The following EXT2 variants were observed in gnomAD, a reference collection of about 807,000 sequenced individuals.
The protein encoded by EXT2 is exostosin glycosyltransferase 2, also known as exostosin-2.
In EXT2, 53 loss-of-function variants were observed where a neutral mutation model predicts 81.6. The observed-to-expected ratio is 0.65, with a 90% CI of 0.52 to 0.82. The LOEUF is 0.82. EXT2 is among the 40% of genes least tolerant of loss of function. The pLI, the probability that EXT2 is intolerant of heterozygous loss-of-function variation, is 0.00. For missense variants in EXT2, 774 were observed against 910.2 expected (o/e 0.85, Z 1.93); for synonymous variants, 320 against 340.0 (o/e 0.94, Z 0.65).
intron 10 of EXT2, among the ~76,000 whole-genome samples, chr11:44,217,792 C>T (rs1955737703): frequency 6.6e-6 from 1 of 152,188 alleles, no homozygotes; most frequent in Non-Finnish European, 1.5e-5. Context: ...CAGTTTAAAA[C>T]ATGTGGCAGA....
At chr11:44,096,075 C>CCTT in intron 1 of EXT2, 1 of 682,708 alleles carries the variant, frequency 1.5e-6, no homozygotes, top group East Asian at 2.7e-5. Context: ...TTCTCCTTCT[C>CCTT]CTCCGGCGGC....
At chr11:44,131,797 G>T (rs1329531342) in intron 7 of EXT2, among the ~76,000 whole-genome samples, 1 of 152,172 alleles carries the variant, frequency 6.6e-6, no homozygotes, top group African/African-American at 2.4e-5. Flanking sequence ...GAGTGCAGTG[G>T]CATGATCTTG....
intron 7 of EXT2, among the ~76,000 whole-genome samples, chr11:44,137,092 G>A (rs1209192076): frequency 7.2e-5 from 11 of 151,976 alleles, no homozygotes; most frequent in Admixed American, 7.2e-4. Flanking sequence ...ATAAAATAAG[G>A]TCTCATTTAA....
rs1349738623 is a variant in EXT2, at chr11:44,220,063, C to T, written c.1663-12290C>T. 6.6e-6 allele frequency among the ~76,000 whole-genome samples: 1 copy of T among 152,116 alleles called. No homozygotes were observed. Among genetic ancestry groups the T allele is most frequent in the Non-Finnish European group, 1.5e-5 (1 of 68,026 alleles). On this transcript the variant is annotated intron_variant, in intron 10 of 13. Transcript: ENST00000533608. This position sits in a 1 kb window ranked among gnomAD's most constrained non-coding sequence, Gnocchi z 4.4. ...CCTGTATCCAGAGTGCAGTGTGGAT[C>T]CAGTCTAGTAGTCAGCTTGCACGGC...
chr11:44,123,351 C>T (rs1412210359), intron 4 of EXT2, among the ~76,000 whole-genome samples: 4 of 152,182 alleles, frequency 2.6e-5, no homozygotes, highest in African/African-American at 9.7e-5. Context: ...TGCGTGGTGG[C>T]GTTGCCTGTG....
chr11:44,151,563 C>G (rs1028151229), intron 7 of EXT2, among the ~76,000 whole-genome samples: 1 of 152,076 alleles, frequency 6.6e-6, no homozygotes, highest in Non-Finnish European at 1.5e-5. Flanking sequence ...TAGCTCATTT[C>G]TTTTCAGTGC....
At chr11:44,096,797 C>G (rs1302393652) in intron 1 of EXT2, among the ~76,000 whole-genome samples, 1 of 152,206 alleles carries the variant, frequency 6.6e-6, no homozygotes. Context: ...AGGTTCTTGA[C>G]TTATTTATGT....
intron 10 of EXT2, among the ~76,000 whole-genome samples, chr11:44,207,500 G>T (rs1955598049): frequency 6.6e-6 from 1 of 152,172 alleles, no homozygotes; most frequent in Admixed American, 6.5e-5. Context: ...ACCAGTAAAG[G>T]TCTCCCCAGG....
intron 13 of EXT2, among the ~76,000 whole-genome samples, chr11:44,239,870 C>T (rs1956016524): frequency 6.6e-6 from 1 of 151,982 alleles, no homozygotes; most frequent in South Asian, 2.1e-4. Flanking sequence ...GGGGATTTGT[C>T]CCAGGACCTC....
intron 10 of EXT2, among the ~76,000 whole-genome samples, chr11:44,226,558 C>A (rs1955840232): frequency 6.6e-6 from 1 of 152,198 alleles, no homozygotes; most frequent in Non-Finnish European, 1.5e-5. Flanking sequence ...GGCAGTCAGT[C>A]CCTCCATTCC....
intron 13 of EXT2, among the ~76,000 whole-genome samples, chr11:44,243,761 G>A (rs1201681466): frequency 6.6e-6 from 1 of 151,642 alleles, no homozygotes; most frequent in African/African-American, 2.4e-5. Flanking sequence ...AGCTGGCAGA[G>A]ATGGGGTTAA....
At chr11:44,111,947 A>G (rs1954150338) in intron 3 of EXT2, among the ~76,000 whole-genome samples, 1 of 152,216 alleles carries the variant, frequency 6.6e-6, no homozygotes, top group African/African-American at 2.4e-5. Flanking sequence ...CTAAATATCT[A>G]GCCTTTGCTC....
At chr11:44,226,662 C>T (rs987774192) in intron 10 of EXT2, among the ~76,000 whole-genome samples, 1 of 152,242 alleles carries the variant, frequency 6.6e-6, no homozygotes, top group Admixed American at 6.5e-5. Flanking sequence ...TGGAAACCAG[C>T]TCGGAATTGG....
intron 4 of EXT2, among the ~76,000 whole-genome samples, chr11:44,118,589 T>C (rs552733547): frequency 3.3e-5 from 5 of 152,354 alleles, no homozygotes; most frequent in African/African-American, 1.2e-4. Flanking sequence ...GCAGTATTCA[T>C]CATTAAATAT....
chr11:44,229,435 G>T (rs767526303), intron 10 of EXT2, among the ~76,000 whole-genome samples: 1 of 152,214 alleles, frequency 6.6e-6, no homozygotes, highest in African/African-American at 2.4e-5. Flanking sequence ...ACAACACAGT[G>T]TTAATGAAGC....
At position 44,246,282 on chromosome 11, in the gene EXT2, G is replaced by T. The variant is rs944416600; in HGVS notation, c.*1995G>T. On this transcript the variant is annotated 3_prime_UTR_variant, in exon 14 of 14. Coordinates refer to ENST00000533608, the MANE Select transcript of EXT2 (RefSeq NM_207122.2). ...GCTGGCATTGTGTATGTGTCATATT[G>T]CCCTGGTTTCTTCAAATTTCTGCCC... 6.6e-5 allele frequency among the ~76,000 whole-genome samples: 10 copies of T among 152,170 alleles called. No homozygotes were observed. The highest frequency in any genetic ancestry group is 2.4e-4 in the African/African-American group (10 of 41,440).
chr11:44,233,738 T>C (rs908574005), intron 11 of EXT2, among the ~76,000 whole-genome samples: 2 of 152,212 alleles, frequency 1.3e-5, no homozygotes, highest in Non-Finnish European at 2.9e-5. Context: ...TTTTTTTATT[T>C]TGTAATAAGC....
At chr11:44,164,356 CTTTAT>C (rs1954964864) in intron 7 of EXT2, among the ~76,000 whole-genome samples, 1 of 152,060 alleles carries the variant, frequency 6.6e-6, no homozygotes, top group Non-Finnish European at 1.5e-5. Flanking sequence ...CTGTTGACAG[CTTTAT>C]TTTATGTCAG....
intron 9 of EXT2, among the ~76,000 whole-genome samples, chr11:44,204,249 A>G (rs1393829060): frequency 6.6e-6 from 1 of 152,206 alleles, no homozygotes; most frequent in Non-Finnish European, 1.5e-5. Flanking sequence ...ACAAATGTAC[A>G]GTAGAGTTCT....
Sources: gnomAD v4.1 joint callset for allele counts (sites outside exome capture counted in the v4.1 genomes callset) on GRCh38, gnomAD v4.1.1 for gene constraint, Gnocchi (gnomAD v3.1) non-coding constraint, MANE v1.5 for transcripts, NCBI Gene and HGNC (gene_info 2026-07-23, HGNC 2026-07-21) for gene names.